CRADD: variants seen among roughly 807,000 people sequenced by gnomAD.
CRADD encodes CARD and death domain containing adaptor protein, also known as death domain-containing protein CRADD.
CRADD carries 9 observed loss-of-function variants against 15.5 expected under a neutral mutation model. The ratio of observed to expected loss-of-function variants is 0.58; its 90% CI spans 0.35 to 1.01. CRADD has a LOEUF of 1.01. CRADD is among the 50% of genes least tolerant of loss of function. The pLI, the probability that CRADD is intolerant of heterozygous loss-of-function variation, is 0.02. For missense variants in CRADD, 227 were observed against 250.3 expected, an observed-to-expected ratio of 0.91 and a Z score of 0.63; for synonymous variants, 118 against 107.6, an observed-to-expected ratio of 1.10 and a Z score of -0.60.
At chr12:93,702,812 C>T (rs535659098) in intron 2 of CRADD, among the ~76,000 whole-genome samples, 1 of 152,110 alleles carries the variant, frequency 6.6e-6, no homozygotes, top group African/African-American at 2.4e-5. Context: ...CTGGTGGTCC[C>T]GTAACTGAGG....
At chr12:93,776,907 C>G (rs560994670) in intron 2 of CRADD, among the ~76,000 whole-genome samples, 1 of 152,178 alleles carries the variant, frequency 6.6e-6, no homozygotes, top group South Asian at 2.1e-4. Context: ...ACTCCTGATA[C>G]GTAAAGGGTT....
chr12:93,839,022 C>G (rs1296913297), intron 2 of CRADD, among the ~76,000 whole-genome samples: 1 of 152,134 alleles, frequency 6.6e-6, no homozygotes, highest in Non-Finnish European at 1.5e-5. Flanking sequence ...ATCCACCCGC[C>G]TCGACCTCCC....
At chr12:93,862,080 G>A (rs1477611046) in intron 2 of CRADD, among the ~76,000 whole-genome samples, 2 of 152,074 alleles carry the variant, frequency 1.3e-5, no homozygotes, top group Non-Finnish European at 2.9e-5. Context: ...TTTCTCCTTT[G>A]CCTTCCACCA....
At chr12:93,790,066 C>T (rs1489306963) in intron 2 of CRADD, among the ~76,000 whole-genome samples, 1 of 152,148 alleles carries the variant, frequency 6.6e-6, no homozygotes, top group Non-Finnish European at 1.5e-5. Flanking sequence ...GGGAGCTTGT[C>T]ACTTAGTACA....
intron 2 of CRADD, among the ~76,000 whole-genome samples, chr12:93,827,799 G>T (rs1208874481): frequency 6.6e-6 from 1 of 152,190 alleles, no homozygotes; most frequent in Non-Finnish European, 1.5e-5. Flanking sequence ...GTATTGTTAA[G>T]TATAGGTACA....
chr12:93,762,540 G>A (rs1047120954), intron 2 of CRADD, among the ~76,000 whole-genome samples: 1 of 152,160 alleles, frequency 6.6e-6, no homozygotes, highest in East Asian at 1.9e-4. Flanking sequence ...ATTTGGCTGA[G>A]GCAAGTTGGA....
At chr12:93,849,300 G>T (rs1958178238) in intron 2 of CRADD, 1 of 152,316 alleles carries the variant, frequency 6.6e-6, no homozygotes, top group African/African-American at 2.4e-5. Context: ...TGAGTAAAAG[G>T]GATAGAAGTG....
At chr12:93,872,611 C>T (rs538358143) in intron 2 of CRADD, among the ~76,000 whole-genome samples, 7 of 152,050 alleles carry the variant, frequency 4.6e-5, no homozygotes, top group South Asian at 2.1e-4. Flanking sequence ...TCTAGTTTCA[C>T]TCTTCTTCAT....
At chr12:93,683,650 C>T (rs1955368506) in intron 2 of CRADD, among the ~76,000 whole-genome samples, 1 of 152,242 alleles carries the variant, frequency 6.6e-6, no homozygotes, top group Non-Finnish European at 1.5e-5. Context: ...AGGGCTCTGC[C>T]TGCCCCTTGT....
At chr12:93,712,203 A>G (rs1592915127) in intron 2 of CRADD, among the ~76,000 whole-genome samples, 2 of 152,198 alleles carry the variant, frequency 1.3e-5, no homozygotes, top group East Asian at 3.8e-4. Context: ...AGAGTTGTTA[A>G]GAGGATTAAA....
At chr12:93,762,048 A>G (rs1017257550) in intron 2 of CRADD, among the ~76,000 whole-genome samples, 1 of 152,198 alleles carries the variant, frequency 6.6e-6, no homozygotes, top group African/African-American at 2.4e-5. Context: ...CAAAGATTCA[A>G]CTCAGCAGAA....
chr12:93,688,689 T>C (rs997078051), intron 2 of CRADD, among the ~76,000 whole-genome samples: 2 of 152,178 alleles, frequency 1.3e-5, no homozygotes, highest in African/African-American at 4.8e-5. Context: ...TTTGAACAGA[T>C]GCGAAAATGT....
intron 2 of CRADD, among the ~76,000 whole-genome samples, chr12:93,721,387 T>C (rs900512837): frequency 2.6e-5 from 4 of 152,330 alleles, no homozygotes; most frequent in Middle Eastern, 3.4e-3. Flanking sequence ...CCTCCTGTCT[T>C]ATGCTGTCAT....
chr12:93,790,543 A>G (rs888076250), intron 2 of CRADD: 1 of 151,414 alleles, frequency 6.6e-6, no homozygotes, highest in Non-Finnish European at 1.5e-5. Context: ...TCAAATTTCT[A>G]TTTATTTATA....
intron 2 of CRADD, among the ~76,000 whole-genome samples, chr12:93,873,326 C>G (rs949367686): frequency 1.3e-5 from 2 of 151,964 alleles, no homozygotes; most frequent in Admixed American, 6.6e-5. Context: ...TTAGGTTTTT[C>G]CAAATACAAG....
intron 2 of CRADD, among the ~76,000 whole-genome samples, chr12:93,702,618 C>A (rs1020006941): frequency 1.3e-5 from 2 of 151,428 alleles, no homozygotes; most frequent in Non-Finnish European, 2.9e-5. Context: ...TCTGCAATTT[C>A]TCTTGTAAGA....
intron 2 of CRADD, among the ~76,000 whole-genome samples, chr12:93,792,621 G>T (rs138056946): frequency 0.022 from 3,415 of 152,270 alleles, 50 homozygotes; most frequent in Non-Finnish European, 0.035. Flanking sequence ...GGATATAGCA[G>T]TAATATTTTC....
chr12:93,823,024 G>A (rs1179359340), intron 2 of CRADD, among the ~76,000 whole-genome samples: 1 of 152,220 alleles, frequency 6.6e-6, no homozygotes, highest in Non-Finnish European at 1.5e-5. Context: ...GCCGGGCACG[G>A]TGGCTCATGC....
At chr12:93,795,546 T>C (rs1565917040) in intron 2 of CRADD, among the ~76,000 whole-genome samples, 1 of 152,204 alleles carries the variant, frequency 6.6e-6, no homozygotes, top group Non-Finnish European at 1.5e-5. Flanking sequence ...ACACCACTCA[T>C]TGGCAGAGCC....
Sources: gnomAD v4.1 joint callset for allele counts (sites outside exome capture counted in the v4.1 genomes callset) on GRCh38, gnomAD v4.1.1 for gene constraint, MANE v1.5 for transcripts, NCBI Gene and HGNC (gene_info 2026-07-23, HGNC 2026-07-21) for gene names.